Variants in MAGI3 observed in about 807,000 individuals in gnomAD.
MAGI3 encodes membrane-associated guanylate kinase, WW and PDZ domain-containing protein 3.
Under a neutral mutation model 121.8 loss-of-function variants are expected in MAGI3, and 43 were observed. The ratio of observed to expected loss-of-function variants is 0.35; its 90% CI spans 0.28 to 0.46. MAGI3 has a LOEUF of 0.46. Ranked by LOEUF, MAGI3 falls within the 20% of genes least tolerant of loss-of-function variation. The probability of loss-of-function intolerance (pLI) is 1.00; values close to 1 mark genes in which losing one functional copy is unlikely to be tolerated. For synonymous variants in MAGI3, 553 were observed against 639.3 expected (o/e 0.86, Z 2.04); for missense variants, 1,547 against 1,797.3 (o/e 0.86, Z 2.52).
At chr1:113,654,069 G>T in intron 15 of MAGI3, 51 bp downstream of exon 15, 1 of 1,422,828 alleles carries the variant, frequency 7.0e-7, no homozygotes, top group Non-Finnish European at 9.6e-7. Context: ...AGTTTTCTGA[G>T]GCTCCCACTG....
chr1:113,398,636 G>A (rs1651242454), intron 1 of MAGI3, among the ~76,000 whole-genome samples: 3 of 151,868 alleles, frequency 2.0e-5, no homozygotes, highest in Non-Finnish European at 4.4e-5. Context: ...ATGAAAAATG[G>A]GATTTTACTA....
intron 9 of MAGI3, among the ~76,000 whole-genome samples, chr1:113,639,559 G>A (rs1361754057): frequency 6.6e-6 from 1 of 151,642 alleles, no homozygotes; most frequent in Non-Finnish European, 1.5e-5. Context: ...ACGCCACCAT[G>A]CCTGGCTAAT....
At chr1:113,551,477 C>T (rs1011184247) in intron 2 of MAGI3, among the ~76,000 whole-genome samples, 3 of 152,174 alleles carry the variant, frequency 2.0e-5, no homozygotes, top group East Asian at 1.9e-4. Context: ...TCCTTAGCAT[C>T]GCATAAAATA....
chr1:113,513,550 G>T (rs889201270), intron 1 of MAGI3, among the ~76,000 whole-genome samples: 6 of 152,036 alleles, frequency 3.9e-5, no homozygotes, highest in Non-Finnish European at 5.9e-5. Flanking sequence ...TTAATAAATG[G>T]TGTTGGGAAA....
At chr1:113,678,212 A>G (rs1252352145) in intron 19 of MAGI3, among the ~76,000 whole-genome samples, 1 of 152,142 alleles carries the variant, frequency 6.6e-6, no homozygotes, top group African/African-American at 2.4e-5. Flanking sequence ...TATAACCTCA[A>G]ACCTGTTTTA....
intron 14 of MAGI3, among the ~76,000 whole-genome samples, chr1:113,651,775 G>A (rs920211484): frequency 2.0e-5 from 3 of 152,178 alleles, no homozygotes; most frequent in African/African-American, 7.2e-5. Flanking sequence ...ACAGGCGTGA[G>A]CCACTGTGCC....
At chr1:113,454,634 A>G (rs1045885280) in intron 1 of MAGI3, among the ~76,000 whole-genome samples, 1 of 152,044 alleles carries the variant, frequency 6.6e-6, no homozygotes, top group Admixed American at 6.6e-5. Flanking sequence ...TCCTAATGCT[A>G]TCCCTCCCCT....
intron 9 of MAGI3, among the ~76,000 whole-genome samples, chr1:113,633,561 G>A (rs979963421): frequency 1.3e-4 from 20 of 149,742 alleles, no homozygotes; most frequent in East Asian, 4.1e-4. Flanking sequence ...GCGCCCAGCC[G>A]AACTCATCAT....
chr1:113,649,165 A>C, intron 12 of MAGI3, 72 bp from the exon 13 acceptor site: 1 of 1,191,562 alleles, frequency 8.4e-7, no homozygotes, highest in East Asian at 2.6e-5. Flanking sequence ...TATCCTACTA[A>C]ATACTGAACT....
At chr1:113,411,492 C>A (rs966809287) in intron 1 of MAGI3, among the ~76,000 whole-genome samples, 4 of 151,632 alleles carry the variant, frequency 2.6e-5, no homozygotes, top group Non-Finnish European at 4.4e-5. Context: ...CATATGTATT[C>A]TGGTATATTG....
At chr1:113,611,129 C>G (rs1213214110) in intron 6 of MAGI3, among the ~76,000 whole-genome samples, 1 of 150,458 alleles carries the variant, frequency 6.6e-6, no homozygotes, top group Non-Finnish European at 1.5e-5. Flanking sequence ...CACTGTTGCC[C>G]AGGCTGGAGT....
intron 1 of MAGI3, among the ~76,000 whole-genome samples, chr1:113,519,989 T>C (rs1475138983): frequency 6.6e-6 from 1 of 152,378 alleles, no homozygotes; most frequent in Non-Finnish European, 1.5e-5. Context: ...GTCTTTTCAC[T>C]GCATGTGCAA....
intron 1 of MAGI3, among the ~76,000 whole-genome samples, chr1:113,424,257 G>A (rs1570655897): frequency 7.2e-6 from 1 of 139,638 alleles, no homozygotes; most frequent in Non-Finnish European, 1.5e-5. Flanking sequence ...CTCCACATGG[G>A]CCGCCACTGA....
At chr1:113,418,026 C>G (rs1038216428) in intron 1 of MAGI3, among the ~76,000 whole-genome samples, 3 of 151,774 alleles carry the variant, frequency 2.0e-5, no homozygotes, top group Non-Finnish European at 4.4e-5. Flanking sequence ...TATTCACTTC[C>G]TTGTCTGGGC....
At chr1:113,505,639 G>A (rs1657290131) in intron 1 of MAGI3, among the ~76,000 whole-genome samples, 1 of 152,052 alleles carries the variant, frequency 6.6e-6, no homozygotes, top group South Asian at 2.1e-4. Flanking sequence ...AAGGGAAAAG[G>A]AGAGGAGGTT....
chr1:113,406,814 G>A (rs1370319603), intron 1 of MAGI3, among the ~76,000 whole-genome samples: 1 of 152,158 alleles, frequency 6.6e-6, no homozygotes, highest in East Asian at 1.9e-4. Context: ...TTACAGTGCA[G>A]ATGAGAATTT....
At chr1:113,577,250 G>C (rs1410673408) in intron 2 of MAGI3, among the ~76,000 whole-genome samples, 1 of 152,142 alleles carries the variant, frequency 6.6e-6, no homozygotes, top group Non-Finnish European at 1.5e-5. Flanking sequence ...TATGTCAAAT[G>C]TTATTCATAG....
chr1:113,470,379 A>G (rs1488117603), intron 1 of MAGI3, among the ~76,000 whole-genome samples: 1 of 152,156 alleles, frequency 6.6e-6, no homozygotes, highest in African/African-American at 2.4e-5. Flanking sequence ...AAGGGGAAAA[A>G]AACAAGTGGA....
At chr1:113,606,615 C>T (rs907157158) in intron 6 of MAGI3, among the ~76,000 whole-genome samples, 6 of 152,080 alleles carry the variant, frequency 3.9e-5, no homozygotes, top group Admixed American at 3.9e-4. Flanking sequence ...ATTTCTGTTT[C>T]CTCTTGCTTT....
Sources: gnomAD v4.1 joint callset for allele counts (sites outside exome capture counted in the v4.1 genomes callset) on GRCh38, gnomAD v4.1.1 for gene constraint, MANE v1.5 for transcripts, NCBI Gene and HGNC (gene_info 2026-07-23, HGNC 2026-07-21) for gene names.